The following ALCAM variants were observed in gnomAD, a reference collection of about 807,000 sequenced individuals.
The protein encoded by ALCAM is activated leukocyte cell adhesion molecule, also known as CD166 antigen.
Under a neutral mutation model 70.9 loss-of-function variants are expected in ALCAM, and 30 were observed. The ratio of observed to expected loss-of-function variants is 0.42; its 90% CI spans 0.32 to 0.57. The LOEUF (loss-of-function observed/expected upper bound fraction) is 0.57. Among genes scored for constraint, ALCAM ranks in the 20% least tolerant of loss-of-function variants. ALCAM has a pLI of 0.11. For missense variants in ALCAM, 591 were observed against 695.1 expected, an observed-to-expected ratio of 0.85 and a Z score of 1.68; for synonymous variants, 249 against 242.5, an observed-to-expected ratio of 1.03 and a Z score of -0.25.
chr3:105,482,496 T>A (rs1318744564), intron 1 of ALCAM, among the ~76,000 whole-genome samples: 1 of 152,146 alleles, frequency 6.6e-6, no homozygotes, highest in African/African-American at 2.4e-5. Flanking sequence ...AAAATTTGAA[T>A]TATTATTTTT....
chr3:105,367,522 C>G (rs1482974187), intron 1 of ALCAM, 41 bp downstream of exon 1: 1 of 1,609,946 alleles, frequency 6.2e-7, no homozygotes, highest in Non-Finnish European at 8.5e-7. Context: ...AGACGTGGGC[C>G]TGGAGCAGTT....
intron 1 of ALCAM, among the ~76,000 whole-genome samples, chr3:105,371,505 G>A (rs13068958): frequency 0.15 from 21,523 of 145,896 alleles, 1,674 homozygotes; most frequent in Admixed American, 0.27. Context: ...TTAAAATAAT[G>A]GAAAGATGTT....
intron 1 of ALCAM, among the ~76,000 whole-genome samples, chr3:105,480,826 A>G (rs2152607355): frequency 6.6e-6 from 1 of 152,278 alleles, no homozygotes; most frequent in South Asian, 2.1e-4. Context: ...CTTACTAGAG[A>G]TATAAGTACT....
intron 14 of ALCAM, among the ~76,000 whole-genome samples, chr3:105,557,857 T>G (rs1333143061): frequency 6.6e-6 from 1 of 152,164 alleles, no homozygotes; most frequent in African/African-American, 2.4e-5. Context: ...ACATAAAATT[T>G]TCATGAGGAA....
chr3:105,374,000 T>G (rs1263419078), intron 1 of ALCAM, among the ~76,000 whole-genome samples: 5 of 152,124 alleles, frequency 3.3e-5, no homozygotes, highest in Non-Finnish European at 5.9e-5. Flanking sequence ...TTTAGTAGTA[T>G]TAATGAAAAA....
chr3:105,568,427 T>C lies in ALCAM; in HGVS notation c.1665-3425T>C, dbSNP rs140203131. Among the ~76,000 whole-genome samples, 210 of 152,288 alleles carry C rather than the reference T, an allele frequency of 1.4e-3. 1 individual carries two copies. Among genetic ancestry groups the C allele is most frequent in the East Asian group, 0.011 (59 of 5,172 alleles). ...CTGACACATAGTCTTTCTTGTTTTTTCTGGGGTTTCAGTACCAAGACTGAT... is the reference window on the plus strand; with the variant it reads ...CTGACACATAGTCTTTCTTGTTTTTCCTGGGGTTTCAGTACCAAGACTGAT... On this transcript the variant is annotated intron_variant, in intron 14 of 15. Coordinates refer to ENST00000306107, the MANE Select transcript of ALCAM (RefSeq NM_001627.4).
chr3:105,541,840 T>C, intron 8 of ALCAM, 75 bp downstream of exon 8: 1 of 1,526,578 alleles, frequency 6.6e-7, no homozygotes, highest in African/African-American at 1.4e-5. Flanking sequence ...TCTTTTCAAA[T>C]AAACTGCACG....
At chr3:105,387,457 C>T (rs932847144) in intron 1 of ALCAM, among the ~76,000 whole-genome samples, 3 of 151,298 alleles carry the variant, frequency 2.0e-5, no homozygotes, top group African/African-American at 4.8e-5. Context: ...CACAGCAGAA[C>T]CTGTGTGTAC....
chr3:105,474,427 G>C (rs1450274757), intron 1 of ALCAM, among the ~76,000 whole-genome samples: 1 of 151,594 alleles, frequency 6.6e-6, no homozygotes, highest in South Asian at 2.1e-4. Flanking sequence ...ATTTTTTCTG[G>C]TTGCATGAGA....
At chr3:105,410,464 G>A in intron 1 of ALCAM, among the ~76,000 whole-genome samples, 1 of 151,986 alleles carries the variant, frequency 6.6e-6, no homozygotes, top group African/African-American at 2.4e-5. Context: ...TCTTTATGTA[G>A]TACCACTCTG....
chr3:105,397,139 G>C (rs1056173557), intron 1 of ALCAM, among the ~76,000 whole-genome samples: 2 of 152,088 alleles, frequency 1.3e-5, no homozygotes, highest in African/African-American at 4.8e-5. Context: ...TTTGTGAAAT[G>C]ATGAGGCCAT....
intron 1 of ALCAM, among the ~76,000 whole-genome samples, chr3:105,387,354 C>T (rs931234314): frequency 1.3e-5 from 2 of 151,222 alleles, no homozygotes; most frequent in African/African-American, 4.9e-5. Context: ...ACTTTGCCTT[C>T]TGGAAATATT....
chr3:105,526,443 T>C (rs569009481), intron 3 of ALCAM, among the ~76,000 whole-genome samples: 2 of 152,262 alleles, frequency 1.3e-5, no homozygotes, highest in East Asian at 3.9e-4. Context: ...ATTTCTATTA[T>C]TGTGAAAACA....
intron 2 of ALCAM, among the ~76,000 whole-genome samples, chr3:105,522,071 A>G (rs1373278172): frequency 2.6e-5 from 4 of 152,182 alleles, no homozygotes; most frequent in African/African-American, 4.8e-5. Context: ...AATTCTAACT[A>G]TAACCCAGGG....
intron 1 of ALCAM, among the ~76,000 whole-genome samples, chr3:105,467,818 GC>G (rs1937791536): frequency 6.6e-6 from 1 of 151,034 alleles, no homozygotes; most frequent in Non-Finnish European, 1.5e-5. Flanking sequence ...ATCTCATTTT[GC>G]AAAATAGCAC....
At chr3:105,470,130 C>CATA (rs144436139) in intron 1 of ALCAM, among the ~76,000 whole-genome samples, 2 of 121,302 alleles carry the variant, frequency 1.6e-5, no homozygotes, top group Middle Eastern at 4.4e-3. Flanking sequence ...ATGTTATATA[C>CATA]ATACACACAC....
At chr3:105,408,631 T>C (rs1376480735) in intron 1 of ALCAM, among the ~76,000 whole-genome samples, 2 of 152,114 alleles carry the variant, frequency 1.3e-5, no homozygotes, top group African/African-American at 2.4e-5. Context: ...TCTCTAGACA[T>C]TGAGTTAGGC....
chr3:105,512,339 A>G (rs534087413), intron 1 of ALCAM, among the ~76,000 whole-genome samples: 26 of 92,818 alleles, frequency 2.8e-4, no homozygotes, highest in African/African-American at 8.1e-4. Flanking sequence ...GGGAAGCATT[A>G]TGCCTGCCTT....
At chr3:105,440,511 GAGT>G (rs945391918) in intron 1 of ALCAM, among the ~76,000 whole-genome samples, 1 of 152,160 alleles carries the variant, frequency 6.6e-6, no homozygotes, top group African/African-American at 2.4e-5. Context: ...AGTAATTAGA[GAGT>G]ATCTCCTCTT....
Sources: gnomAD v4.1 joint callset for allele counts (sites outside exome capture counted in the v4.1 genomes callset) on GRCh38, gnomAD v4.1.1 for gene constraint, MANE v1.5 for transcripts, NCBI Gene and HGNC (gene_info 2026-07-23, HGNC 2026-07-21) for gene names.